Variants in AGBL4 observed in about 807,000 individuals in gnomAD.
AGBL4 encodes the protein AGBL carboxypeptidase 4, also known as cytosolic carboxypeptidase 6.
AGBL4 carries 58 observed loss-of-function variants against 66.4 expected under a neutral mutation model. The observed-to-expected ratio is 0.87, with a 90% CI of 0.71 to 1.09. The LOEUF (loss-of-function observed/expected upper bound fraction) is 1.09, where lower values mean the gene tolerates loss of function less well. Ranked by LOEUF, AGBL4 falls within the 50% of genes least tolerant of loss-of-function variation. The pLI is 0.00. For missense variants in AGBL4, 579 were observed against 631.0 expected (o/e 0.92, Z 0.88); for synonymous variants, 234 against 222.9 (o/e 1.05, Z -0.44).
intron 3 of AGBL4, among the ~76,000 whole-genome samples, chr1:49,249,136 G>C (rs550710636): frequency 6.9e-4 from 105 of 152,234 alleles, no homozygotes; most frequent in Non-Finnish European, 1.2e-3. Flanking sequence ...CCTTGATTCT[G>C]TCTTGTCATA....
intron 3 of AGBL4, among the ~76,000 whole-genome samples, chr1:49,554,460 T>C (rs1436793839): frequency 6.6e-6 from 1 of 152,136 alleles, no homozygotes; most frequent in Admixed American, 6.5e-5. Flanking sequence ...ATTGAAACCA[T>C]TTTTTTAGCT....
At chr1:49,358,750 T>A (rs969827434) in intron 3 of AGBL4, among the ~76,000 whole-genome samples, 2 of 152,162 alleles carry the variant, frequency 1.3e-5, no homozygotes, top group Non-Finnish European at 2.9e-5. Context: ...GTGTCTGACA[T>A]AGGAAGCTTA....
chr1:49,157,576 T>C (rs769338023), intron 4 of AGBL4, among the ~76,000 whole-genome samples: 44 of 152,332 alleles, frequency 2.9e-4, no homozygotes, highest in Non-Finnish European at 5.1e-4. Flanking sequence ...GAATGATTTA[T>C]AATCCATTGG....
intron 3 of AGBL4, among the ~76,000 whole-genome samples, chr1:49,684,319 T>C (rs1646749206): frequency 6.6e-6 from 1 of 152,202 alleles, no homozygotes; most frequent in African/African-American, 2.4e-5. Flanking sequence ...AGATGTTCTG[T>C]TTCTGGTACC....
At chr1:49,741,594 C>T (rs1225527932) in intron 2 of AGBL4, among the ~76,000 whole-genome samples, 1 of 151,894 alleles carries the variant, frequency 6.6e-6, no homozygotes, top group African/African-American at 2.4e-5. Flanking sequence ...TGAGACACAA[C>T]AAAAAAAGAG....
chr1:49,264,824 C>T (rs1421541886), intron 3 of AGBL4, among the ~76,000 whole-genome samples: 2 of 152,170 alleles, frequency 1.3e-5, no homozygotes, highest in Non-Finnish European at 2.9e-5. Flanking sequence ...GGATTATAGG[C>T]GTGAGCCACC....
intron 2 of AGBL4, among the ~76,000 whole-genome samples, chr1:49,733,900 C>G (rs1315405375): frequency 6.6e-6 from 1 of 152,106 alleles, no homozygotes; most frequent in Non-Finnish European, 1.5e-5. Context: ...AGCAAATAGA[C>G]TAAATCCTTT....
At chr1:49,507,039 T>C (rs764810311) in intron 3 of AGBL4, among the ~76,000 whole-genome samples, 18 of 152,056 alleles carry the variant, frequency 1.2e-4, no homozygotes, top group Admixed American at 6.6e-5. Flanking sequence ...CTGAATCAGC[T>C]GAAGACCTGT....
chr1:49,036,673 C>G (rs1024578442), intron 5 of AGBL4, among the ~76,000 whole-genome samples: 1 of 151,824 alleles, frequency 6.6e-6, no homozygotes, highest in Non-Finnish European at 1.5e-5. Context: ...CAAGCAATCT[C>G]TCTGCCTCAG....
At chr1:49,833,934 T>C (rs2148022754) in intron 2 of AGBL4, among the ~76,000 whole-genome samples, 1 of 152,262 alleles carries the variant, frequency 6.6e-6, no homozygotes, top group East Asian at 1.9e-4. Flanking sequence ...TCATGTCATC[T>C]GCAAACAGGG....
chr1:49,864,317 A>G (rs993373249), intron 1 of AGBL4, among the ~76,000 whole-genome samples: 12 of 152,208 alleles, frequency 7.9e-5, no homozygotes, highest in Non-Finnish European at 1.5e-4. Flanking sequence ...TACAAAAAAA[A>G]CAACAGAAAG....
intron 6 of AGBL4, among the ~76,000 whole-genome samples, chr1:48,674,099 A>G (rs393184): frequency 0.86 from 131,185 of 152,134 alleles, 56,825 homozygotes; most frequent in African/African-American, 0.91. Context: ...TGTTTCACCT[A>G]CTCATCACAC....
chr1:48,601,244 G>T (rs913924895), intron 9 of AGBL4, among the ~76,000 whole-genome samples: 1 of 152,310 alleles, frequency 6.6e-6, no homozygotes, highest in South Asian at 2.1e-4. Context: ...CCCTCCCTGA[G>T]TTTCAGTTTA....
intron 3 of AGBL4, among the ~76,000 whole-genome samples, chr1:49,575,170 G>A (rs899994692): frequency 6.6e-6 from 1 of 152,156 alleles, no homozygotes; most frequent in Non-Finnish European, 1.5e-5. Context: ...CAATGGCTCT[G>A]AGCTGATGTT....
chr1:49,651,096 C>A (rs894339584), intron 3 of AGBL4, among the ~76,000 whole-genome samples: 1 of 152,176 alleles, frequency 6.6e-6, no homozygotes, highest in African/African-American at 2.4e-5. Context: ...ATCTGCCCTG[C>A]AACCACTTTT....
intron 2 of AGBL4, among the ~76,000 whole-genome samples, chr1:49,843,669 A>T (rs2148045643): frequency 6.6e-6 from 1 of 152,284 alleles, no homozygotes; most frequent in Non-Finnish European, 1.5e-5. Context: ...AGCAATGTTA[A>T]TTCCTCCCTC....
chr1:49,344,335 C>A (rs552820644), intron 3 of AGBL4, among the ~76,000 whole-genome samples: 86 of 151,980 alleles, frequency 5.7e-4, no homozygotes, highest in Non-Finnish European at 1.1e-3. Flanking sequence ...AAAAAGACTA[C>A]TGGAGAAACA....
intron 3 of AGBL4, among the ~76,000 whole-genome samples, chr1:49,378,895 TG>T (rs1046331318): frequency 1.5e-4 from 23 of 152,236 alleles, no homozygotes; most frequent in Admixed American, 7.2e-4. Flanking sequence ...TGGTCTGGTG[TG>T]TTACCCAGAA....
chr1:49,441,364 A>G (rs1646025672), intron 3 of AGBL4, among the ~76,000 whole-genome samples: 1 of 152,204 alleles, frequency 6.6e-6, no homozygotes. Context: ...TTAATGTTGC[A>G]GCTCCAGGAA....
Sources: allele counts gnomAD v4.1 joint callset (sites outside exome capture counted in the v4.1 genomes callset), GRCh38; gene constraint gnomAD v4.1.1; transcripts MANE v1.5; gene names NCBI Gene and HGNC (gene_info 2026-07-23, HGNC 2026-07-21).